Variants in SIM1 observed in about 807,000 individuals in gnomAD.
The protein encoded by SIM1 is single-minded homolog 1.
SIM1 carries 18 observed loss-of-function variants against 78.2 expected under a neutral mutation model. The observed-to-expected ratio is 0.23, with a 90% CI of 0.16 to 0.34. The LOEUF (loss-of-function observed/expected upper bound fraction) is 0.34, where lower values mean the gene tolerates loss of function less well. Among genes scored for constraint, SIM1 ranks in the 10% least tolerant of loss-of-function variants. SIM1 has a pLI of 1.00. For missense variants in SIM1, 939 were observed against 975.1 expected, an observed-to-expected ratio of 0.96 and a Z score of 0.49; for synonymous variants, 417 against 385.2, an observed-to-expected ratio of 1.08 and a Z score of -0.97.
Position 100,443,350 on chromosome 6 carries a change from G to A in SIM1, c.998+3918C>T, listed in dbSNP as rs965677420. ...TAGAAAATAAATAAGCAGAGAAGCT[G>A]TCTTTGCTAAGAAAAAGAAGTTGAG... On this transcript the variant is annotated intron_variant, in intron 9 of 11. Transcript: ENST00000369208. Among the ~76,000 whole-genome samples the A allele has an allele frequency of 1.3e-4, 20 of 152,072 alleles. 1 individual carries two copies. Among genetic ancestry groups the A allele is most frequent in the Admixed American group, 1.1e-3 (17 of 15,262 alleles).
In SIM1 at chr6:100,453,783, T is replaced by C. The variant is rs763592855; in HGVS notation, c.237A>G (p.Glu79=). 3 of 1,611,848 alleles carry C rather than the reference T, an allele frequency of 1.9e-6. No individual in the cohort carries two copies. The highest frequency in any genetic ancestry group is 2.5e-6 in the Non-Finnish European group (3 of 1,178,994). ...GTACCTGGAGCAGATGGGAGCCCAG[T>C]TCTCGGCCAACGTTGTCCAGGGGGC... ...RTSPLDNVGR[E]LGSHLLQTLD... Residue 79 remains glutamate (E), a synonymous_variant, in exon 3 of 12, where the codon GAA becomes GAG. Coordinates refer to ENST00000369208, the MANE Select transcript of SIM1 (RefSeq NM_005068.3).
Position 100,388,946 on chromosome 6 carries a change from G to A in SIM1, c.*1415C>T, listed in dbSNP as rs927797229. 1.3e-5 allele frequency: 2 copies of A among 152,146 alleles called. No homozygotes were observed. Among genetic ancestry groups the A allele is most frequent in the Non-Finnish European group, 2.9e-5 (2 of 68,026 alleles). The allele number at this position is 152,146 out of a possible 1,614,324, so 9.4% of individuals were successfully genotyped here. On this transcript the variant is annotated 3_prime_UTR_variant, in exon 12 of 12. Transcript: ENST00000369208. ...TAAGTCACAAAGCATCTAAACTTCT[G>A]TGTACAGAAAAAACAGAATGATCAG...
At chr6:100,449,993 A>T (rs1772468060) in intron 4 of SIM1, among the ~76,000 whole-genome samples, 1 of 152,232 alleles carries the variant, frequency 6.6e-6, no homozygotes, top group South Asian at 2.1e-4. Context: ...TGATAAAGAC[A>T]TCATGAAATA....
chr6:100,441,435 T>TAC (rs147085823), intron 9 of SIM1, among the ~76,000 whole-genome samples: 79 of 151,620 alleles, frequency 5.2e-4, no homozygotes, highest in South Asian at 3.1e-3. Context: ...CATGGGGATG[T>TAC]ACACACACAC....
intron 2 of SIM1, 121 bp downstream of exon 2, chr6:100,463,173 C>T (rs2114562098): frequency 2.2e-6 from 2 of 919,276 alleles, no homozygotes; most frequent in East Asian, 5.4e-5. Context: ...AGCTAAACTT[C>T]CCTTTGCAAA....
chr6:100,403,884 T>C (rs1395021811), intron 10 of SIM1, among the ~76,000 whole-genome samples: 1 of 152,144 alleles, frequency 6.6e-6, no homozygotes, highest in African/African-American at 2.4e-5. Flanking sequence ...ACATAACAAA[T>C]AAGGTTCAAA....
chr6:100,443,064 CT>C (rs1237460861), intron 9 of SIM1, among the ~76,000 whole-genome samples: 4 of 150,486 alleles, frequency 2.7e-5, no homozygotes, highest in South Asian at 2.1e-4. Flanking sequence ...ATAGAGCCCC[CT>C]TTTTTTTTCA....
At chr6:100,464,236 A>G (rs1772932173) in intron 1 of SIM1, among the ~76,000 whole-genome samples, 1 of 152,204 alleles carries the variant, frequency 6.6e-6, no homozygotes, top group Admixed American at 6.5e-5. Context: ...GTCCGCGCCC[A>G]GGCCGGGCGC....
intron 10 of SIM1, among the ~76,000 whole-genome samples, chr6:100,409,973 T>G (rs1771152724): frequency 6.6e-6 from 1 of 152,202 alleles, no homozygotes; most frequent in African/African-American, 2.4e-5. Flanking sequence ...ATGTTCCGCA[T>G]GAGCTTGAGA....
In SIM1 at chr6:100,387,713, T is replaced by C. The variant is rs1393858087; in HGVS notation, c.*2648A>G. The C allele has an allele frequency of 1.3e-5, 2 of 152,122 alleles. No homozygotes were observed. The highest frequency in any genetic ancestry group is 4.8e-5 in the African/African-American group (2 of 41,454). The allele number at this position is 152,122 out of a possible 1,614,324, so 9.4% of individuals were successfully genotyped here. On this transcript the variant is annotated 3_prime_UTR_variant, in exon 12 of 12. Transcript: ENST00000369208. The stretch of plus-strand genomic sequence containing the variant: ...AGTTAATTCTGTATTCTCTTAAAAA[T>C]ATTGGTCATGTCATTTTAAAGAGCA...
chr6:100,414,921 A>G (rs960074092), intron 10 of SIM1, among the ~76,000 whole-genome samples: 1 of 152,224 alleles, frequency 6.6e-6, no homozygotes, highest in Non-Finnish European at 1.5e-5. Context: ...GTTCTGTGGG[A>G]TTATTTAAGG....
intron 9 of SIM1, among the ~76,000 whole-genome samples, chr6:100,424,635 C>T: frequency 6.6e-6 from 1 of 151,700 alleles, no homozygotes; most frequent in East Asian, 1.9e-4. Context: ...GACACGAGAT[C>T]TCTCTGTGTT....
chr6:100,424,093 T>A (rs1771663031), intron 9 of SIM1, among the ~76,000 whole-genome samples: 1 of 105,186 alleles, frequency 9.5e-6, no homozygotes, highest in African/African-American at 3.7e-5. Flanking sequence ...AGGGTACGCA[T>A]CTCACTGTTG....
At chr6:100,459,989 G>T (rs1480397908) in intron 2 of SIM1, among the ~76,000 whole-genome samples, 2 of 152,080 alleles carry the variant, frequency 1.3e-5, no homozygotes, top group Non-Finnish European at 2.9e-5. Flanking sequence ...TTTTTTCTTT[G>T]CAAGGCTACT....
At chr6:100,440,157 G>A (rs904197408) in intron 9 of SIM1, among the ~76,000 whole-genome samples, 1 of 152,150 alleles carries the variant, frequency 6.6e-6, no homozygotes, top group Non-Finnish European at 1.5e-5. Flanking sequence ...GTCAGATACT[G>A]TGCTATATTC....
intron 2 of SIM1, among the ~76,000 whole-genome samples, chr6:100,460,901 G>A (rs1268139425): frequency 6.6e-6 from 1 of 152,146 alleles, no homozygotes; most frequent in Non-Finnish European, 1.5e-5. Flanking sequence ...CTCATCCCTA[G>A]GAGCCAGCTG....
Position 100,463,910 on chromosome 6 carries a change from G to T in SIM1, c.-442C>A. 6.3e-6 allele frequency: 1 copy of T among 157,770 alleles called. No homozygotes were observed. The highest frequency in any genetic ancestry group is 6.1e-5 in the Admixed American group (1 of 16,272). The allele number at this position is 157,770 out of a possible 1,614,324, so 9.8% of individuals were successfully genotyped here. A position where few individuals can be genotyped will look rare whatever the true frequency, so the allele number is the denominator to read the frequency against. The stretch of plus-strand genomic sequence containing the variant: ...CTCCGAGCCCCTTTGGGAAGAGCAG[G>T]AACCCCAGACAACTCTTTCAAGGCC... On this transcript the variant is annotated 5_prime_UTR_variant, in exon 2 of 12. Coordinates refer to ENST00000369208, the MANE Select transcript of SIM1 (RefSeq NM_005068.3).
At chr6:100,414,776 T>C (rs370172188) in intron 10 of SIM1, among the ~76,000 whole-genome samples, 1 of 152,238 alleles carries the variant, frequency 6.6e-6, no homozygotes, top group East Asian at 1.9e-4. Flanking sequence ...CCTTCTGATA[T>C]CTGTGACTTA....
At chr6:100,407,593 C>A (rs1003104024) in intron 10 of SIM1, among the ~76,000 whole-genome samples, 4 of 152,116 alleles carry the variant, frequency 2.6e-5, no homozygotes, top group Non-Finnish European at 5.9e-5. Context: ...CTTTTCTGCA[C>A]ATCTTTGTCA....
Sources: gnomAD v4.1 joint callset for allele counts (sites outside exome capture counted in the v4.1 genomes callset) on GRCh38, gnomAD v4.1.1 for gene constraint, MANE v1.5 for transcripts, NCBI Gene and HGNC (gene_info 2026-07-23, HGNC 2026-07-21) for gene names.